The following SMAD4 variants were observed in gnomAD, a reference collection of about 807,000 sequenced individuals.
SMAD4 encodes MAD homolog 4.
SMAD4 carries 7 observed loss-of-function variants against 63.2 expected under a neutral mutation model. The ratio of observed to expected loss-of-function variants is 0.11; its 90% CI spans 0.06 to 0.21. The LOEUF (loss-of-function observed/expected upper bound fraction) is 0.21, where lower values mean the gene tolerates loss of function less well. Ranked by LOEUF, SMAD4 falls within the 10% of genes least tolerant of loss-of-function variation. The pLI is 1.00. For missense variants in SMAD4, 312 were observed against 693.8 expected, an observed-to-expected ratio of 0.45 and a Z score of 6.18; for synonymous variants, 215 against 235.4, an observed-to-expected ratio of 0.91 and a Z score of 0.79.
chr18:51,069,189 T>C (rs1029802245), intron 10 of SMAD4, among the ~76,000 whole-genome samples: 1 of 152,214 alleles, frequency 6.6e-6, no homozygotes, highest in African/African-American at 2.4e-5. Flanking sequence ...CCATCTTGGC[T>C]CACTGCAACC....
chr18:51,072,648 G>C (rs1910348294), intron 10 of SMAD4, among the ~76,000 whole-genome samples: 1 of 152,142 alleles, frequency 6.6e-6, no homozygotes, highest in South Asian at 2.1e-4. Context: ...GGTTGTAAAA[G>C]ACAATATCCT....
At chr18:51,063,168 C>G (rs918688950) in intron 8 of SMAD4, among the ~76,000 whole-genome samples, 1 of 151,658 alleles carries the variant, frequency 6.6e-6, no homozygotes. Context: ...TTCTTTTTAC[C>G]TAGCTTTATA....
rs1910530805 is a variant in SMAD4, at chr18:51,078,545, A to G, written c.*78A>G. Reference sequence around the variant, plus strand: ...ACAATCCTGTTTATAATCTGAAGATATATTTCACTTTTGTTCTGCTTTATC... The same window carrying G: ...ACAATCCTGTTTATAATCTGAAGATGTATTTCACTTTTGTTCTGCTTTATC... On this transcript the variant is annotated 3_prime_UTR_variant, in exon 12 of 12. Coordinates refer to ENST00000342988, the MANE Select transcript of SMAD4 (RefSeq NM_005359.6). 8.7e-6 allele frequency: 9 copies of G among 1,028,696 alleles called. No homozygotes were observed. The South Asian group carries it at 1.3e-4, about 15-fold the overall frequency. 63.7% of individuals were successfully genotyped at this position (1,028,696 alleles called of 1,614,324 possible). A position where few individuals can be genotyped will look rare whatever the true frequency, so the allele number is the denominator to read the frequency against.
chr18:51,078,079 G>T (rs1910514209), intron 11 of SMAD4, among the ~76,000 whole-genome samples, 177 bp from the exon 12 acceptor site: 1 of 152,218 alleles, frequency 6.6e-6, no homozygotes, highest in Non-Finnish European at 1.5e-5. Flanking sequence ...TTAACCAAAA[G>T]TGTGCAGCTT....
chr18:51,056,531 A>G (rs1909848008), intron 5 of SMAD4, among the ~76,000 whole-genome samples: 1 of 151,440 alleles, frequency 6.6e-6, no homozygotes, highest in African/African-American at 2.4e-5. Flanking sequence ...AGGCAGGAGA[A>G]ATGGCGTGAA....
In SMAD4 at chr18:51,067,279, TTTATATA is replaced by T. The variant is rs148310488; in HGVS notation, c.1308+96_1308+102del. The T allele has an allele frequency of 7.0e-3, 4,834 of 689,182 alleles. 140 individuals carry two copies. Among genetic ancestry groups the T allele is most frequent in the African/African-American group, 0.066 (3,688 of 55,758 alleles). The allele number at this position is 689,182 out of a possible 1,614,324, so 42.7% of individuals were successfully genotyped here. On this transcript the variant is annotated intron_variant, in intron 10 of 11. Transcript: ENST00000342988. ...CTGGGTGGAAGGAATGGAAAAATGTTTTATATATTAAATAATAAGAAATTGTGTTTAA... is the reference window on the plus strand; with the variant it reads ...CTGGGTGGAAGGAATGGAAAAATGTTTTAAATAATAAGAAATTGTGTTTAA...
Position 51,084,005 on chromosome 18 carries a change from C to CGCGT in SMAD4, c.*5541_*5542insTGCG, listed in dbSNP as rs1910679810. 9.0e-6 allele frequency: 1 copy of CGCGT among 110,578 alleles called. No individual in the cohort carries two copies. Among genetic ancestry groups the CGCGT allele is most frequent in the African/African-American group, 5.4e-5 (1 of 18,646 alleles). 6.8% of individuals were successfully genotyped at this position (110,578 alleles called of 1,614,324 possible). A position where few individuals can be genotyped will look rare whatever the true frequency, so the allele number is the denominator to read the frequency against. On this transcript the variant is annotated 3_prime_UTR_variant, in exon 12 of 12. Transcript: ENST00000342988. ...TAAACACTTAACGCGCGTGCGCACGCGCGCGCGCACACACACACACACACA... is the reference window on the plus strand; with the variant it reads ...TAAACACTTAACGCGCGTGCGCACGCGCGTGCGCGCGCACACACACACACACACA...
chr18:51,038,253 G>GAC (rs60096801), intron 1 of SMAD4, among the ~76,000 whole-genome samples: 1 of 144,276 alleles, frequency 6.9e-6, no homozygotes, highest in Admixed American at 7.5e-5. Context: ...CGAGACTGTG[G>GAC]GGGGGGGGGC....
chr18:51,045,982 T>C (rs1011151647), intron 1 of SMAD4, among the ~76,000 whole-genome samples: 1 of 152,220 alleles, frequency 6.6e-6, no homozygotes, highest in African/African-American at 2.4e-5. Flanking sequence ...TTTTTATGGT[T>C]GAATAATATT....
chr18:51,048,495 A>G (rs1477429224), intron 2 of SMAD4, among the ~76,000 whole-genome samples, 191 bp from the exon 3 acceptor site: 1 of 152,208 alleles, frequency 6.6e-6, no homozygotes, highest in Admixed American at 6.6e-5. Flanking sequence ...CAGGCCTTGA[A>G]ATTATACCAA....
At position 51,083,572 on chromosome 18, in the gene SMAD4, T is replaced by A. The variant is rs542474644; in HGVS notation, c.*5105T>A. The A allele has an allele frequency of 1.8e-5, 4 of 227,180 alleles. No homozygotes were observed. Among genetic ancestry groups the A allele is most frequent in the Admixed American group, 5.7e-5 (1 of 17,582 alleles). 14.1% of individuals were successfully genotyped at this position (227,180 alleles called of 1,614,324 possible). On this transcript the variant is annotated 3_prime_UTR_variant, in exon 12 of 12. Coordinates refer to ENST00000342988, the MANE Select transcript of SMAD4 (RefSeq NM_005359.6). ...ACCGTTTATTTAAATGCTTTCTCAA[T>A]AGGTCCAGAGCCAGTGTTCTTGTTC...
chr18:51,076,877 G>GT (rs1047173306), intron 11 of SMAD4, 101 bp downstream of exon 11: 2,491 of 872,006 alleles, frequency 2.9e-3, no homozygotes, highest in South Asian at 3.4e-3. Flanking sequence ...AGAAATTAAA[G>GT]TTTTTTTTTA....
rs1909636451 is a variant in SMAD4, at chr18:51,049,279, C to T, written c.425-16C>T. 1 of 1,541,458 alleles carries T rather than the reference C, an allele frequency of 6.5e-7. No individual in the cohort carries two copies. The highest frequency in any genetic ancestry group is 9.0e-7 in the Non-Finnish European group (1 of 1,115,554). ...ATGATTAATGTTTCATTTGTTTTCCCCTTTAAACAATTAAGATCTCTCAGG... is the reference window on the plus strand; with the variant it reads ...ATGATTAATGTTTCATTTGTTTTCCTCTTTAAACAATTAAGATCTCTCAGG... On this transcript the variant is annotated splice_polypyrimidine_tract_variant and intron_variant, in intron 3 of 11. Transcript: ENST00000342988.
chr18:51,034,390 G>A (rs1052306989), intron 1 of SMAD4, among the ~76,000 whole-genome samples: 1 of 152,006 alleles, frequency 6.6e-6, no homozygotes, highest in Non-Finnish European at 1.5e-5. Flanking sequence ...GAGATTACAG[G>A]CGTGCGCCAC....
At chr18:51,065,232 GA>G (rs1910115655) in intron 8 of SMAD4, among the ~76,000 whole-genome samples, 190 bp from the exon 9 acceptor site, 1 of 152,116 alleles carries the variant, frequency 6.6e-6, no homozygotes, top group Non-Finnish European at 1.5e-5. Context: ...TACTGAGCTA[GA>G]AAATAGAAGA....
Position 51,084,266 on chromosome 18 carries a change from T to C in SMAD4, c.*5799T>C, listed in dbSNP as rs1910694067. On this transcript the variant is annotated 3_prime_UTR_variant, in exon 12 of 12. Coordinates refer to ENST00000342988, the MANE Select transcript of SMAD4 (RefSeq NM_005359.6). ...AAAACCTGTTGTTAATGCTTAGTGA[T>C]ATTATGCTCAAAACAAGGAAATTCC... 4.4e-6 allele frequency: 1 copy of C among 228,860 alleles called. No individual in the cohort carries two copies. Among genetic ancestry groups the C allele is most frequent in the African/African-American group, 2.2e-5 (1 of 45,072 alleles). The allele number at this position is 228,860 out of a possible 1,614,324, so 14.2% of individuals were successfully genotyped here.
chr18:51,034,631 A>G (rs1209212855), intron 1 of SMAD4, among the ~76,000 whole-genome samples: 1 of 151,918 alleles, frequency 6.6e-6, no homozygotes, highest in Non-Finnish European at 1.5e-5. Context: ...TGCAGCCTCT[A>G]CCACCCAGGC....
intron 10 of SMAD4, among the ~76,000 whole-genome samples, chr18:51,071,878 G>T (rs989470289): frequency 6.6e-6 from 1 of 152,160 alleles, no homozygotes; most frequent in African/African-American, 2.4e-5. Context: ...ATGTAATATA[G>T]TCTTTTATGA....
intron 1 of SMAD4, among the ~76,000 whole-genome samples, chr18:51,031,446 T>C (rs573768679): frequency 1.3e-5 from 2 of 152,326 alleles, no homozygotes; most frequent in South Asian, 4.1e-4. Context: ...AGTACGTTTG[T>C]TTTTATTTAA....
Sources: allele counts gnomAD v4.1 joint callset (sites outside exome capture counted in the v4.1 genomes callset), GRCh38; gene constraint gnomAD v4.1.1; transcripts MANE v1.5; gene names NCBI Gene and HGNC (gene_info 2026-07-23, HGNC 2026-07-21).